Variants in MICALL1 observed in about 807,000 individuals in gnomAD.
MICALL1 encodes the protein MICAL like 1, also known as MICAL-like protein 1.
In MICALL1, 61 loss-of-function variants were observed where a neutral mutation model predicts 83.7. That is an observed-to-expected ratio of 0.73 (90% confidence interval 0.59 to 0.90). The LOEUF is 0.90. MICALL1 is among the 40% of genes least tolerant of loss of function. MICALL1 has a pLI of 0.00. For synonymous variants in MICALL1, 481 were observed against 473.6 expected, an observed-to-expected ratio of 1.02 and a Z score of -0.20; for missense variants, 1,066 against 1,152.0, an observed-to-expected ratio of 0.93 and a Z score of 1.08.
Position 37,925,665 on chromosome 22 carries a change from C to A in MICALL1, c.1087C>A (p.Pro363Thr), listed in dbSNP as rs1234552522. Residue 363 changes from proline to threonine, a missense_variant, in exon 8 of 16, where the codon CCA (proline) becomes ACA (threonine). Transcript: ENST00000215957. ...RGTPKPSEGTPAPRKDPPWIT... is the reference protein window; with the variant it reads ...RGTPKPSEGTTAPRKDPPWIT... ...GCTGCTTCCCCCCTCCTCCAGGACACCAGCCCCCAGGAAGGACCCCCCATG... is the reference window on the plus strand; with the variant it reads ...GCTGCTTCCCCCCTCCTCCAGGACAACAGCCCCCAGGAAGGACCCCCCATG... 1 of 1,603,272 alleles carries A rather than the reference C, an allele frequency of 6.2e-7. No homozygotes were observed. Among genetic ancestry groups the A allele is most frequent in the South Asian group, 1.1e-5 (1 of 90,258 alleles).
intron 15 of MICALL1, among the ~76,000 whole-genome samples, chr22:37,939,773 CAAAAAAAAAAAAAAA>C (rs147934175): frequency 2.2e-5 from 1 of 44,456 alleles, no homozygotes; most frequent in African/African-American, 9.6e-5. Context: ...GTCTCCGTCT[CAAAAAAAAAAAAAAA>C]AAAAAAAAAG....
At chr22:37,912,106 T>G (rs1438197810) in intron 2 of MICALL1, 106 bp downstream of exon 2, 2 of 1,357,612 alleles carry the variant, frequency 1.5e-6, no homozygotes, top group Admixed American at 1.7e-5. Context: ...GCTGCCCTTG[T>G]ACACCGGCCC....
At chr22:37,921,926 G>C (rs1298572992) in intron 5 of MICALL1, 46 bp from the exon 6 acceptor site, 1 of 1,506,344 alleles carries the variant, frequency 6.6e-7, no homozygotes, top group South Asian at 1.3e-5. Flanking sequence ...CCAGTGCCTG[G>C]GCCCAGCTGC....
Position 37,927,561 on chromosome 22 carries a change from A to G in MICALL1, c.1616A>G (p.Glu539Gly). ...EPPAVPKSSS[E>G]PAVHAPGTPG... The stretch of plus-strand genomic sequence containing the variant: ...CCAGCTGTGCCCAAGAGCTCCTCAG[A>G]GCCTGCTGTCCATGCCCCTGGTACC... Residue 539 changes from glutamate to glycine, a missense_variant, in exon 9 of 16, where the codon GAG becomes GGG. Coordinates refer to ENST00000215957, the MANE Select transcript of MICALL1 (RefSeq NM_033386.4). 1 of 1,613,708 alleles carries G rather than the reference A, an allele frequency of 6.2e-7. No homozygotes were observed. Among genetic ancestry groups the G allele is most frequent in the East Asian group, 2.2e-5 (1 of 44,848 alleles).
At chr22:37,938,886 T>G (rs1245153080) in intron 15 of MICALL1, among the ~76,000 whole-genome samples, 1 of 152,086 alleles carries the variant, frequency 6.6e-6, no homozygotes, top group Admixed American at 6.6e-5. Flanking sequence ...GTGCTGGGAT[T>G]ATAGGTGTGA....
At chr22:37,917,854 C>A in intron 4 of MICALL1, 59 bp downstream of exon 4, 2 of 1,419,708 alleles carry the variant, frequency 1.4e-6, no homozygotes, top group Non-Finnish European at 2.0e-6. Flanking sequence ...GTTATGTGGA[C>A]GACTATCATT....
rs57194363 is a variant in MICALL1 at position 37,914,878 on chromosome 22, G to T, written c.337+2386G>T. Among the ~76,000 whole-genome samples, 1,179 of 151,294 alleles carry T rather than the reference G, an allele frequency of 7.8e-3. 16 individuals are homozygous for T. Among genetic ancestry groups the T allele is most frequent in the African/African-American group, 0.026 (1,096 of 41,398 alleles). ...GTTGGTCTTGAACTCCTAAGCTCAAGGGATCTACCCTTCTCGGCCTCCCAA... is the reference window on the plus strand; with the variant it reads ...GTTGGTCTTGAACTCCTAAGCTCAATGGATCTACCCTTCTCGGCCTCCCAA... On this transcript the variant is annotated intron_variant, in intron 3 of 15. Coordinates refer to ENST00000215957, the MANE Select transcript of MICALL1 (RefSeq NM_033386.4).
chr22:37,934,355 A>C (rs924299329), intron 13 of MICALL1, among the ~76,000 whole-genome samples: 1 of 152,118 alleles, frequency 6.6e-6, no homozygotes, highest in Non-Finnish European at 1.5e-5. Flanking sequence ...CATGTCCCTG[A>C]GTCTCAGTTT....
rs188709653 is a variant in MICALL1 at position 37,940,941 on chromosome 22, A to T, written c.*111A>T. On this transcript the variant is annotated 3_prime_UTR_variant, in exon 16 of 16. Transcript: ENST00000215957. ...CAGATCAGTCAGGAGGAAGATGACTAAGGGGAGGGATCCTCTGGGTGATGG... is the reference window on the plus strand; with the variant it reads ...CAGATCAGTCAGGAGGAAGATGACTTAGGGGAGGGATCCTCTGGGTGATGG... 3.5e-4 allele frequency: 486 copies of T among 1,381,866 alleles called. 2 individuals are homozygous for T. In the Middle Eastern group the frequency reaches 4.2e-3, roughly 12 times the overall value. The allele number at this position is 1,381,866 out of a possible 1,614,324, so 85.6% of individuals were successfully genotyped here.
At chr22:37,913,506 G>C (rs1340639410) in intron 3 of MICALL1, among the ~76,000 whole-genome samples, 1 of 152,230 alleles carries the variant, frequency 6.6e-6, no homozygotes, top group Non-Finnish European at 1.5e-5. Flanking sequence ...CAGCAGGGAA[G>C]TGGCTCTGTC....
rs1930490389 is a variant in MICALL1 at position 37,942,725 on chromosome 22, T to C, written c.*1895T>C. On this transcript the variant is annotated 3_prime_UTR_variant, in exon 16 of 16. Transcript: ENST00000215957. ...ACCGTGTTAACCAGGATGGTCTCGATCTCCTGACCTTGTGATCCACCCACC... is the reference window on the plus strand; with the variant it reads ...ACCGTGTTAACCAGGATGGTCTCGACCTCCTGACCTTGTGATCCACCCACC... 1 of 152,164 alleles carries C rather than the reference T, an allele frequency of 6.6e-6. No individual in the cohort carries two copies. Among genetic ancestry groups the C allele is most frequent in the Admixed American group, 6.5e-5 (1 of 15,274 alleles). 9.4% of individuals were successfully genotyped at this position (152,164 alleles called of 1,614,324 possible).
In MICALL1 at chr22:37,917,778, C is replaced by A. The variant is rs754383031; in HGVS notation, c.409C>A (p.Pro137Thr). The A allele has an allele frequency of 1.9e-6, 3 of 1,613,668 alleles. No homozygotes were observed. The highest frequency in any genetic ancestry group is 1.7e-5 in the Admixed American group (1 of 59,996). The change falls in exon 4 of 16, where the codon CCA (proline) becomes ACA (threonine). Residue 137 changes from proline to threonine, a missense_variant. Physicochemically the swap from Pro to Thr is conservative, Grantham distance 38. Transcript: ENST00000215957. ...GTCTGTAGCACCCACTCCAGTGGAA[C>A]CAGAAGATGTGGCTCAGGTAGGCAG... ...PPSVAPTPVE[P>T]EDVAQGEELS...
At chr22:37,931,475 G>A (rs953979636) in intron 9 of MICALL1, among the ~76,000 whole-genome samples, 1 of 152,156 alleles carries the variant, frequency 6.6e-6, no homozygotes, top group Non-Finnish European at 1.5e-5. Context: ...GATTGCTTGA[G>A]CCCCAGGAGG....
intron 9 of MICALL1, among the ~76,000 whole-genome samples, chr22:37,929,508 T>C (rs995152288): frequency 6.6e-6 from 1 of 152,180 alleles, no homozygotes; most frequent in African/African-American, 2.4e-5. Context: ...GAGGGGTGTT[T>C]ACCGAGGAGA....
rs939005867 is a variant in MICALL1, at chr22:37,925,968, T to C, written c.1390T>C (p.Tyr464His). Residue 464 changes from tyrosine to histidine, a missense_variant, in exon 8 of 16, where the codon TAC becomes CAC. Tyr to His is a moderately conservative substitution (Grantham distance 83). Transcript: ENST00000215957. ...CACACCCAAGTCCCTGCACCCCTGGTACGGCATCACCCCTACCAGCAGCCC... is the reference window on the plus strand; with the variant it reads ...CACACCCAAGTCCCTGCACCCCTGGCACGGCATCACCCCTACCAGCAGCCC... ...ESTPKSLHPW[Y>H]GITPTSSPKT... is the part of the protein sequence containing the mutation. 6.2e-7 allele frequency: 1 copy of C among 1,613,892 alleles called. No homozygotes were observed. Among genetic ancestry groups the C allele is most frequent in the Non-Finnish European group, 8.5e-7 (1 of 1,179,970 alleles).
intron 13 of MICALL1, among the ~76,000 whole-genome samples, chr22:37,936,841 A>G (rs1229520687): frequency 6.6e-6 from 1 of 152,014 alleles, no homozygotes; most frequent in Non-Finnish European, 1.5e-5. Context: ...GCAGTGAGCC[A>G]AGATCACGCC....
chr22:37,924,295 G>A lies in MICALL1; in HGVS notation c.1025-365G>A, dbSNP rs146651314. ...TGTGGAAGTCTTGCTAAGTTGGAAG[G>A]AGGGGAGCAGGGGCTGCTGTGGGAT... On this transcript the variant is annotated intron_variant, in intron 6 of 15. Coordinates refer to ENST00000215957, the MANE Select transcript of MICALL1 (RefSeq NM_033386.4). This position sits in a 1 kb window ranked among gnomAD's most constrained non-coding sequence, Gnocchi z 5.2. Among the ~76,000 whole-genome samples, 620 of 152,294 alleles carry A rather than the reference G, an allele frequency of 4.1e-3. 5 individuals are homozygous for A. The highest frequency in any genetic ancestry group is 0.014 in the African/African-American group (597 of 41,568).
chr22:37,913,067 A>G (rs528467562), intron 3 of MICALL1, among the ~76,000 whole-genome samples: 49 of 151,734 alleles, frequency 3.2e-4, no homozygotes, highest in Non-Finnish European at 5.6e-4. Context: ...AGTTTAAGCA[A>G]TTCTCCTGTC....
Position 37,930,289 on chromosome 22 carries a change from A to G in MICALL1, c.1882-1510A>G, listed in dbSNP as rs1929717966. 6.6e-6 allele frequency among the ~76,000 whole-genome samples: 1 copy of G among 151,936 alleles called. No individual in the cohort carries two copies. Among genetic ancestry groups the G allele is most frequent in the Non-Finnish European group, 1.5e-5 (1 of 67,984 alleles). ...TGTGGGGAACCCCTGTCCCACTGTCACCCCAGGATTAGGGGAGACTTTCAG... is the reference window on the plus strand; with the variant it reads ...TGTGGGGAACCCCTGTCCCACTGTCGCCCCAGGATTAGGGGAGACTTTCAG... On this transcript the variant is annotated intron_variant, in intron 9 of 15. Coordinates refer to ENST00000215957, the MANE Select transcript of MICALL1 (RefSeq NM_033386.4). This position sits in a 1 kb window ranked among gnomAD's most constrained non-coding sequence, Gnocchi z 4.8.
Sources: allele counts gnomAD v4.1 joint callset (sites outside exome capture counted in the v4.1 genomes callset), GRCh38; gene constraint gnomAD v4.1.1; non-coding constraint Gnocchi (gnomAD v3.1); transcripts MANE v1.5; gene names NCBI Gene and HGNC (gene_info 2026-07-23, HGNC 2026-07-21).